The following BCAS3 variants were observed in gnomAD, a reference collection of about 807,000 sequenced individuals.
The protein encoded by BCAS3 is BCAS4/BCAS3 fusion.
BCAS3 carries 53 observed loss-of-function variants against 116.1 expected under a neutral mutation model. The ratio of observed to expected loss-of-function variants is 0.46; its 90% confidence interval spans 0.37 to 0.57. BCAS3 has a LOEUF of 0.57. Ranked by LOEUF, BCAS3 falls within the 20% of genes least tolerant of loss-of-function variation. The probability of loss-of-function intolerance (pLI) is 0.00; values close to 1 mark genes in which losing one functional copy is unlikely to be tolerated. For synonymous variants in BCAS3, 391 were observed against 408.2 expected (o/e 0.96, Z 0.51); for missense variants, 917 against 1,165.4 (o/e 0.79, Z 3.10).
intron 22 of BCAS3, among the ~76,000 whole-genome samples, chr17:61,319,549 A>G (rs1246408613): frequency 2.6e-5 from 4 of 151,148 alleles, no homozygotes; most frequent in Admixed American, 2.0e-4. Flanking sequence ...CATTTGCTTG[A>G]TATGCTATAG....
At chr17:60,939,542 C>T (rs1279558920) in intron 13 of BCAS3, among the ~76,000 whole-genome samples, 4 of 152,204 alleles carry the variant, frequency 2.6e-5, no homozygotes, top group East Asian at 1.9e-4. Context: ...GAATGACATA[C>T]TGCTACTTGT....
intron 10 of BCAS3, among the ~76,000 whole-genome samples, chr17:60,893,048 A>G (rs1425903581): frequency 2.0e-5 from 3 of 151,982 alleles, no homozygotes; most frequent in South Asian, 4.2e-4. Context: ...TTTGTTGGCC[A>G]TTTACATTCT....
At chr17:60,690,243 A>G (rs763952432) in intron 4 of BCAS3, among the ~76,000 whole-genome samples, 22 of 152,128 alleles carry the variant, frequency 1.4e-4, no homozygotes, top group Non-Finnish European at 1.5e-4. Flanking sequence ...GTTCATCTAC[A>G]TTGTAGCATA....
intron 12 of BCAS3, among the ~76,000 whole-genome samples, chr17:60,916,825 A>AAT (rs1309552428): frequency 6.6e-6 from 1 of 152,194 alleles, no homozygotes; most frequent in Non-Finnish European, 1.5e-5. Context: ...CAGTATTCAC[A>AAT]ATATGTGAAG....
intron 14 of BCAS3, among the ~76,000 whole-genome samples, chr17:60,954,916 A>T (rs940079225): frequency 1.3e-5 from 2 of 152,268 alleles, no homozygotes; most frequent in South Asian, 4.1e-4. Context: ...TATTCATTGG[A>T]TCATGATTTA....
At chr17:61,284,824 T>A (rs1046833938) in intron 22 of BCAS3, among the ~76,000 whole-genome samples, 1 of 152,172 alleles carries the variant, frequency 6.6e-6, no homozygotes, top group African/African-American at 2.4e-5. Flanking sequence ...AAGCCTCCAC[T>A]CAACAGTAAG....
At chr17:60,754,811 C>T (rs2042850076) in intron 6 of BCAS3, among the ~76,000 whole-genome samples, 2 of 151,922 alleles carry the variant, frequency 1.3e-5, no homozygotes, top group Non-Finnish European at 2.9e-5. Flanking sequence ...ATATTCCTCA[C>T]CAGTCTATTG....
intron 22 of BCAS3, chr17:61,357,018 A>G (rs1720520156): frequency 2.0e-5 from 3 of 151,646 alleles, no homozygotes; most frequent in Admixed American, 6.6e-5. Flanking sequence ...TTATGGGCCC[A>G]CCTGGTCCCA....
At position 61,059,272 on chromosome 17, in the gene BCAS3, T is replaced by TG. The variant is rs572408848; in HGVS notation, c.2030-15644dup. 1.9e-3 allele frequency among the ~76,000 whole-genome samples: 285 copies of TG among 151,644 alleles called. 1 individual carries two copies. Among genetic ancestry groups the TG allele is most frequent in the Non-Finnish European group, 2.9e-3 (196 of 67,834 alleles). On this transcript the variant is annotated intron_variant, in intron 19 of 23. Transcript: ENST00000407086. The stretch of plus-strand genomic sequence containing the variant: ...TAATTTTTTGTATTTTTAGTAGAGA[T>TG]GGGGTTTCACTGTGTTAGCCAGGAT...
At chr17:60,843,341 C>T (rs373018802) in intron 7 of BCAS3, among the ~76,000 whole-genome samples, 12 of 151,826 alleles carry the variant, frequency 7.9e-5, no homozygotes, top group Non-Finnish European at 1.3e-4. Flanking sequence ...CTCAGCCTCC[C>T]GAGTAGCTGG....
chr17:61,358,257 G>A (rs983516559), intron 22 of BCAS3, among the ~76,000 whole-genome samples: 1 of 151,912 alleles, frequency 6.6e-6, no homozygotes, highest in Non-Finnish European at 1.5e-5. Flanking sequence ...GTATACTTTT[G>A]TCTTTTTAAA....
rs531511540 is a variant in BCAS3, at chr17:60,837,899, C to T, written c.476+29823C>T. ...ACTCCTGACCTCAGGTGATCCACCC[C>T]GTTGGCCTCCCAAAGTGCTGGGATT... On this transcript the variant is annotated intron_variant, in intron 7 of 23. Coordinates refer to ENST00000407086, the MANE Select transcript of BCAS3 (RefSeq NM_017679.5). Among the ~76,000 whole-genome samples the T allele has an allele frequency of 2.6e-5, 4 of 152,148 alleles. No individual in the cohort carries two copies. In the South Asian group the frequency reaches 6.2e-4, roughly 24 times the overall value.
At chr17:60,802,367 C>CATATAT (rs1427484580) in intron 6 of BCAS3, among the ~76,000 whole-genome samples, 1 of 127,348 alleles carries the variant, frequency 7.9e-6, no homozygotes, top group African/African-American at 4.3e-5. Flanking sequence ...TACATACATA[C>CATATAT]ATACATATAT....
intron 8 of BCAS3, among the ~76,000 whole-genome samples, chr17:60,870,598 C>G (rs1030021911): frequency 6.6e-6 from 1 of 152,142 alleles, no homozygotes; most frequent in Non-Finnish European, 1.5e-5. Context: ...GAACACTTAT[C>G]GCTCCTCCAT....
At chr17:61,089,107 T>A (rs979589180) in intron 22 of BCAS3, among the ~76,000 whole-genome samples, 6 of 152,238 alleles carry the variant, frequency 3.9e-5, no homozygotes, top group African/African-American at 9.6e-5. Context: ...AGAGAAATAC[T>A]ACTTTTGTTG....
intron 22 of BCAS3, among the ~76,000 whole-genome samples, chr17:61,175,423 T>C (rs2079079844): frequency 1.3e-5 from 2 of 152,064 alleles, no homozygotes; most frequent in South Asian, 4.1e-4. Context: ...TACATGTGTT[T>C]TGGAGTCCAG....
In BCAS3 at chr17:60,754,680, TAC is replaced by T. The variant is rs772900751; in HGVS notation, c.403+7461_403+7462del. On this transcript the variant is annotated intron_variant, in intron 6 of 23. Coordinates refer to ENST00000407086, the MANE Select transcript of BCAS3 (RefSeq NM_017679.5). ...AGAAATGCAGATGTAAAATTTAAAA[TAC>T]ACACACACACACACACACACACACA... Among the ~76,000 whole-genome samples, 981 of 145,354 alleles carry T rather than the reference TAC, an allele frequency of 6.7e-3. 10 individuals are homozygous for T. The highest frequency in any genetic ancestry group is 0.024 in the African/African-American group (898 of 36,818).
intron 6 of BCAS3, among the ~76,000 whole-genome samples, chr17:60,764,159 AT>A (rs151033791): frequency 2.6e-4 from 38 of 147,014 alleles, no homozygotes; most frequent in East Asian, 9.9e-4. Context: ...GGATTCATTG[AT>A]TTTTTTTTTT....
In BCAS3 at chr17:61,227,990, T is replaced by C. The variant is rs922356650; in HGVS notation, c.2426-140337T>C. Among the ~76,000 whole-genome samples, 51 of 152,168 alleles carry C rather than the reference T, an allele frequency of 3.4e-4. No individual in the cohort carries two copies. The highest frequency in any genetic ancestry group is 1.2e-3 in the African/African-American group (50 of 41,444). On this transcript the variant is annotated intron_variant, in intron 22 of 23. Coordinates refer to ENST00000407086, the MANE Select transcript of BCAS3 (RefSeq NM_017679.5). The surrounding 1 kb of genome is among the most constrained non-coding windows in gnomAD (Gnocchi z 6.1). Reference sequence around the variant, plus strand: ...GCCACAGGTGTAGCCATAGAATCCCTTTCCACCTGGAGACTGTCCTTTCCA... The same window carrying C: ...GCCACAGGTGTAGCCATAGAATCCCCTTCCACCTGGAGACTGTCCTTTCCA...
Sources: allele counts gnomAD v4.1 joint callset (sites outside exome capture counted in the v4.1 genomes callset), GRCh38; gene constraint gnomAD v4.1.1; non-coding constraint Gnocchi (gnomAD v3.1); transcripts MANE v1.5; gene names NCBI Gene and HGNC (gene_info 2026-07-23, HGNC 2026-07-21).